The following RBMS3 variants were observed in gnomAD, a reference collection of about 807,000 sequenced individuals.
RBMS3 encodes the protein RNA binding motif single stranded interacting protein 3, also known as RNA-binding motif, single-stranded-interacting protein 3.
Under a neutral mutation model 66.8 loss-of-function variants are expected in RBMS3, and 27 were observed. The observed-to-expected ratio is 0.40, with a 90% CI of 0.30 to 0.56. The LOEUF is 0.56. Ranked by LOEUF, RBMS3 falls within the 20% of genes least tolerant of loss-of-function variation. The pLI is 0.40. For missense variants in RBMS3, 513 were observed against 549.5 expected (o/e 0.93, Z 0.66); for synonymous variants, 188 against 183.0 (o/e 1.03, Z -0.22).
intron 6 of RBMS3, among the ~76,000 whole-genome samples, chr3:29,834,521 A>C (rs1337903019): frequency 6.6e-6 from 1 of 152,094 alleles, no homozygotes; most frequent in East Asian, 1.9e-4. Context: ...GGTGGGCAGC[A>C]GTGTAAAATT....
intron 4 of RBMS3, among the ~76,000 whole-genome samples, chr3:29,608,279 C>T (rs1470193904): frequency 1.3e-5 from 2 of 151,664 alleles, no homozygotes; most frequent in East Asian, 1.9e-4. Flanking sequence ...GTGGAAGTAT[C>T]GTAATAAGAC....
At position 29,940,204 on chromosome 3, in the gene RBMS3, C is replaced by T. The variant is rs1007346776; in HGVS notation, c.1051-4003C>T. On this transcript the variant is annotated intron_variant, in intron 11 of 14. Transcript: ENST00000383767. ...TGATAAACTGTAATAGTTTCCTAAC[C>T]GTTCTTCCTGCTTTCAATTTCAATT... Among the ~76,000 whole-genome samples the T allele has an allele frequency of 5.9e-5, 9 of 151,930 alleles. No homozygotes were observed. The South Asian group carries it at 1.0e-3, about 17-fold the overall frequency.
At chr3:29,762,583 C>A (rs2055739651) in intron 5 of RBMS3, among the ~76,000 whole-genome samples, 1 of 152,136 alleles carries the variant, frequency 6.6e-6, no homozygotes, top group African/African-American at 2.4e-5. Context: ...TTTGCTAATT[C>A]ATCATTCAAC....
intron 3 of RBMS3, among the ~76,000 whole-genome samples, chr3:29,547,299 A>C (rs559375583): frequency 1.3e-5 from 2 of 152,276 alleles, no homozygotes; most frequent in African/African-American, 4.8e-5. Flanking sequence ...GACATTCAGA[A>C]AGTCATCAAA....
chr3:29,630,175 A>C (rs566473612), intron 4 of RBMS3, among the ~76,000 whole-genome samples: 1 of 152,156 alleles, frequency 6.6e-6, no homozygotes, highest in Non-Finnish European at 1.5e-5. Flanking sequence ...TCCATGGAAC[A>C]AGAAATAGGT....
At chr3:29,774,102 T>C (rs1318314993) in intron 6 of RBMS3, among the ~76,000 whole-genome samples, 1 of 152,064 alleles carries the variant, frequency 6.6e-6, no homozygotes, top group African/African-American at 2.4e-5. Flanking sequence ...TTATTTTCAT[T>C]AATGTTTTGA....
intron 4 of RBMS3, among the ~76,000 whole-genome samples, chr3:29,700,672 CTT>C (rs11434343): frequency 9.4e-5 from 13 of 138,086 alleles, no homozygotes; most frequent in Admixed American, 3.5e-4. Flanking sequence ...TTATTTCAGA[CTT>C]TTTTTTTTTT....
chr3:29,338,931 G>T (rs1192910932), intron 1 of RBMS3, among the ~76,000 whole-genome samples: 1 of 152,088 alleles, frequency 6.6e-6, no homozygotes, highest in African/African-American at 2.4e-5. Context: ...TTCTTGGCAG[G>T]TGTTTTCCTT....
intron 1 of RBMS3, among the ~76,000 whole-genome samples, chr3:29,421,826 AC>A (rs1042075811): frequency 7.9e-4 from 121 of 152,312 alleles, no homozygotes; most frequent in Middle Eastern, 3.4e-3. Flanking sequence ...TTTCATTCTG[AC>A]AAGCATCAAT....
chr3:29,776,928 G>T (rs1576773655), intron 6 of RBMS3, among the ~76,000 whole-genome samples: 1 of 151,968 alleles, frequency 6.6e-6, no homozygotes, highest in South Asian at 2.1e-4. Context: ...TAGCATCAAA[G>T]AAATATTTAC....
intron 3 of RBMS3, among the ~76,000 whole-genome samples, chr3:29,538,850 G>A (rs756228041): frequency 5.3e-5 from 8 of 152,042 alleles, no homozygotes; most frequent in Non-Finnish European, 8.8e-5. Context: ...GTGACATTCC[G>A]TGATTTTTTT....
chr3:29,914,583 A>G (rs2060593069), intron 10 of RBMS3, among the ~76,000 whole-genome samples: 1 of 151,954 alleles, frequency 6.6e-6, no homozygotes, highest in African/African-American at 2.4e-5. Context: ...TATGCCCCTT[A>G]CAAGCAAGAT....
chr3:29,452,385 G>T (rs1461914208), intron 2 of RBMS3, among the ~76,000 whole-genome samples: 1 of 151,978 alleles, frequency 6.6e-6, no homozygotes, highest in African/African-American at 2.4e-5. Flanking sequence ...GCTTTGACCT[G>T]GTTCTATTTA....
At chr3:29,539,249 A>G (rs545668850) in intron 3 of RBMS3, among the ~76,000 whole-genome samples, 1 of 152,364 alleles carries the variant, frequency 6.6e-6, no homozygotes, top group African/African-American at 2.4e-5. Context: ...ACTATTTATG[A>G]TGAAATTCAG....
chr3:29,536,863 T>C (rs1576157668), intron 3 of RBMS3, among the ~76,000 whole-genome samples: 1 of 152,314 alleles, frequency 6.6e-6, no homozygotes, highest in East Asian at 1.9e-4. Flanking sequence ...TTGTAAAATA[T>C]GAGAATTAGG....
intron 6 of RBMS3, among the ~76,000 whole-genome samples, chr3:29,865,894 T>C (rs935317716): frequency 2.6e-5 from 4 of 152,126 alleles, no homozygotes; most frequent in African/African-American, 7.2e-5. Flanking sequence ...TAATTCAGTA[T>C]TGTTACAACT....
intron 1 of RBMS3, among the ~76,000 whole-genome samples, chr3:29,369,776 C>A (rs2038098721): frequency 6.6e-6 from 1 of 151,982 alleles, no homozygotes; most frequent in East Asian, 1.9e-4. Flanking sequence ...AGCTAAAATT[C>A]TTTCCAGTAA....
chr3:29,764,433 G>A lies in RBMS3; in HGVS notation c.637+1444G>A, dbSNP rs142157803. Reference sequence around the variant, plus strand: ...ATTTTAAGACACTTTACTCAAATCCGTCATCGAGTAAAGGAGTTGCATTGT... The same window carrying A: ...ATTTTAAGACACTTTACTCAAATCCATCATCGAGTAAAGGAGTTGCATTGT... On this transcript the variant is annotated intron_variant, in intron 6 of 14. Transcript: ENST00000383767. Among the ~76,000 whole-genome samples the A allele has an allele frequency of 1.5e-3, 231 of 151,032 alleles. 1 individual carries two copies. Among genetic ancestry groups the A allele is most frequent in the African/African-American group, 4.3e-3 (179 of 41,162 alleles).
chr3:29,461,207 T>C (rs2042357136), intron 2 of RBMS3, among the ~76,000 whole-genome samples: 1 of 152,260 alleles, frequency 6.6e-6, no homozygotes, highest in Non-Finnish European at 1.5e-5. Context: ...GGGCTGCTTT[T>C]GGGAACACCT....
Sources: gnomAD v4.1 joint callset for allele counts (sites outside exome capture counted in the v4.1 genomes callset) on GRCh38, gnomAD v4.1.1 for gene constraint, MANE v1.5 for transcripts, NCBI Gene and HGNC (gene_info 2026-07-23, HGNC 2026-07-21) for gene names.